The following GPR55 variants were observed in gnomAD, a reference collection of about 807,000 sequenced individuals.
GPR55 encodes the protein G-protein coupled receptor 55.
A neutral mutation model predicts 7.9 loss-of-function variants in GPR55; 6 were observed. That is an observed-to-expected ratio of 0.76 (90% confidence interval 0.41 to 1.49). GPR55 has a LOEUF of 1.49. Ranked by LOEUF, GPR55 falls within the 40% of genes most tolerant of loss-of-function variation. The pLI, the probability that GPR55 is intolerant of heterozygous loss-of-function variation, is 0.01. For synonymous variants in GPR55, 183 were observed against 166.8 expected, an observed-to-expected ratio of 1.10 and a Z score of -0.75; for missense variants, 376 against 406.0, an observed-to-expected ratio of 0.93 and a Z score of 0.63.
intron 1 of GPR55, among the ~76,000 whole-genome samples, chr2:230,937,004 C>T (rs1691142728): frequency 6.6e-6 from 1 of 152,156 alleles, no homozygotes; most frequent in Non-Finnish European, 1.5e-5. Flanking sequence ...CTCTTACCTC[C>T]CTAGTCTCCT....
rs1691277500 is a variant in GPR55 at position 230,944,186 on chromosome 2, C to T, written c.-135+16589G>A. Among the ~76,000 whole-genome samples the T allele has an allele frequency of 6.6e-6, 1 of 152,318 alleles. No individual in the cohort carries two copies. The highest frequency in any genetic ancestry group is 1.5e-5 in the Non-Finnish European group (1 of 68,028). On this transcript the variant is annotated intron_variant, in intron 1 of 1. Transcript: ENST00000392039. The surrounding 1 kb of genome is among the most constrained non-coding windows in gnomAD (Gnocchi z 4.2). ...CAGAGAGGACCTCAAGGAGACTTCCCAGGAAATTACCCACCACTGGACATT... is the reference window on the plus strand; with the variant it reads ...CAGAGAGGACCTCAAGGAGACTTCCTAGGAAATTACCCACCACTGGACATT...
At chr2:230,956,345 T>C (rs1169628765) in intron 1 of GPR55, among the ~76,000 whole-genome samples, 4 of 151,982 alleles carry the variant, frequency 2.6e-5, no homozygotes. Flanking sequence ...TTTGTATTTT[T>C]AGTAGAGTTG....
rs1690542716 is a variant in GPR55 at position 230,909,816 on chromosome 2, C to G, written c.*187G>C. On this transcript the variant is annotated 3_prime_UTR_variant, in exon 2 of 2. Transcript: ENST00000650999. ...ATCCCTGAACACTGGGTGGTATAAG[C>G]TGTCTGGGCAGTGGAAAAAAGGTCT... 1.6e-6 allele frequency: 1 copy of G among 611,918 alleles called. No individual in the cohort carries two copies. The highest frequency in any genetic ancestry group is 1.8e-5 in the African/African-American group (1 of 54,342). 37.9% of individuals were successfully genotyped at this position (611,918 alleles called of 1,614,324 possible).
At chr2:230,937,647 G>A (rs924798382) in intron 1 of GPR55, among the ~76,000 whole-genome samples, 6 of 151,788 alleles carry the variant, frequency 4.0e-5, no homozygotes, top group Admixed American at 2.0e-4. Context: ...ACCAAAAAAA[G>A]TTATTAGATG....
Position 230,910,566 on chromosome 2 carries a change from G to C in GPR55, c.397C>G (p.Arg133Gly), listed in dbSNP as rs772132028. 4.3e-6 allele frequency: 7 copies of C among 1,613,920 alleles called. No homozygotes were observed. The highest frequency in any genetic ancestry group is 4.2e-6 in the Non-Finnish European group (5 of 1,179,832). Residue 133 changes from arginine (R) to glycine (G), a missense_variant, in exon 2 of 2, where the codon CGG becomes GGG. Coordinates refer to ENST00000650999, the MANE Select transcript of GPR55 (RefSeq NM_005683.4). The surrounding 1 kb of genome is among the most constrained non-coding windows in gnomAD (Gnocchi z 5.4). Reference sequence around the variant, plus strand: ...ATCCCAAAGATCTTCCTGGGGGACCGGAGGTGGCTCACCAGTAGCGGGTAA... The same window carrying C: ...ATCCCAAAGATCTTCCTGGGGGACCCGAGGTGGCTCACCAGTAGCGGGTAA... ...IRYPLLVSHLRSPRKIFGICC... is the reference protein window; with the variant it reads ...IRYPLLVSHLGSPRKIFGICC...
At chr2:230,931,226 C>T (rs1423930778) in intron 1 of GPR55, among the ~76,000 whole-genome samples, 2 of 152,232 alleles carry the variant, frequency 1.3e-5, no homozygotes, top group African/African-American at 4.8e-5. Flanking sequence ...TTCAAGGAGA[C>T]GTCATTGCCA....
intron 1 of GPR55, among the ~76,000 whole-genome samples, chr2:230,912,231 G>T (rs752869894): frequency 1.3e-5 from 2 of 152,040 alleles, no homozygotes; most frequent in Non-Finnish European, 2.9e-5. Context: ...TAACCACTTC[G>T]GCAGAAAGCA....
intron 1 of GPR55, among the ~76,000 whole-genome samples, chr2:230,950,350 A>G (rs1430881712): frequency 6.6e-6 from 1 of 152,172 alleles, no homozygotes; most frequent in Non-Finnish European, 1.5e-5. Context: ...GGCACCCAGG[A>G]CAAGACGCAG....
chr2:230,911,765 C>T (rs544915396), intron 1 of GPR55, among the ~76,000 whole-genome samples: 4 of 152,064 alleles, frequency 2.6e-5, no homozygotes, highest in Admixed American at 6.5e-5. Flanking sequence ...AGGAATGGAG[C>T]GGGGCCCTGA....
At chr2:230,938,397 CAAAA>C (rs66962280) in intron 1 of GPR55, among the ~76,000 whole-genome samples, 1 of 116,282 alleles carries the variant, frequency 8.6e-6, no homozygotes, top group Admixed American at 9.0e-5. Flanking sequence ...ACCAGATGAC[CAAAA>C]AAAAAAAAAA....
chr2:230,913,653 G>C (rs558841948), intron 1 of GPR55, among the ~76,000 whole-genome samples: 2 of 152,292 alleles, frequency 1.3e-5, no homozygotes, highest in East Asian at 3.9e-4. Flanking sequence ...AGGATGCTCA[G>C]AATCTGCAAG....
rs1207161995 is a variant in GPR55 at position 230,910,218 on chromosome 2, G to T, written c.745C>A (p.Gln249Lys). ...ATAAAGCTGTTTCTCACCAGGAACT[G>T]CAGGAAGAACCCCAGGTGGACTGGG... is the stretch of plus-strand genomic sequence containing the variant. Reference protein sequence around the residue: ...FLPVHLGFFLQFLVRNSFIVE... With the variant: ...FLPVHLGFFLKFLVRNSFIVE... The change falls in exon 2 of 2, where the codon CAG becomes AAG. Residue 249 changes from glutamine to lysine, a missense_variant. Gln to Lys is a moderately conservative substitution (Grantham distance 53). Transcript: ENST00000650999. This position sits in a 1 kb window ranked among gnomAD's most constrained non-coding sequence, Gnocchi z 5.4. 3.1e-6 allele frequency: 5 copies of T among 1,613,944 alleles called. No individual in the cohort carries two copies. The highest frequency in any genetic ancestry group is 4.2e-6 in the Non-Finnish European group (5 of 1,179,904).
At chr2:230,945,278 A>C (rs1273772092) in intron 1 of GPR55, among the ~76,000 whole-genome samples, 1 of 152,104 alleles carries the variant, frequency 6.6e-6, no homozygotes, top group Non-Finnish European at 1.5e-5. Flanking sequence ...GAGAGGACTG[A>C]GTTCCGGGAG....
intron 1 of GPR55, among the ~76,000 whole-genome samples, chr2:230,918,920 G>A (rs1035483259): frequency 6.6e-6 from 1 of 152,090 alleles, no homozygotes; most frequent in African/African-American, 2.4e-5. Context: ...TAAAATAGTA[G>A]GGACATTCTT....
chr2:230,927,783 C>T (rs10185628), upstream of GPR55, among the ~76,000 whole-genome samples: 3,564 of 152,336 alleles, frequency 0.023, 149 homozygotes, highest in African/African-American at 0.08. Context: ...GATAGCTGGG[C>T]GCTCACCACA....
Position 230,909,894 on chromosome 2 carries a change from T to A in GPR55, c.*109A>T. ...TCAATGGGCATCAAAGGGAAGCACA[T>A]CAGTGAAGATGGTGCGGATCATCCC... On this transcript the variant is annotated 3_prime_UTR_variant, in exon 2 of 2. Transcript: ENST00000650999. 9.2e-7 allele frequency: 1 copy of A among 1,091,246 alleles called. No individual in the cohort carries two copies. The highest frequency in any genetic ancestry group is 1.3e-6 in the Non-Finnish European group (1 of 745,358). The allele number at this position is 1,091,246 out of a possible 1,614,324, so 67.6% of individuals were successfully genotyped here.
At chr2:230,952,893 G>A (rs1691426018) in intron 1 of GPR55, among the ~76,000 whole-genome samples, 1 of 152,222 alleles carries the variant, frequency 6.6e-6, no homozygotes. Context: ...GCTGGCCGAT[G>A]TCTGCGTCCT....
chr2:230,935,823 GCTGAGCATC>G (rs1394143081), intron 1 of GPR55, among the ~76,000 whole-genome samples: 2 of 152,184 alleles, frequency 1.3e-5, no homozygotes, highest in Non-Finnish European at 2.9e-5. Flanking sequence ...CATTATACTG[GCTGAGCATC>G]CTAAAACCAA....
chr2:230,928,254 A>G (rs1271927257), upstream of GPR55, among the ~76,000 whole-genome samples: 1 of 152,124 alleles, frequency 6.6e-6, no homozygotes, highest in Non-Finnish European at 1.5e-5. Flanking sequence ...TTGGGTTGGG[A>G]TGAGGGCACC....
Sources: gnomAD v4.1 joint callset for allele counts (sites outside exome capture counted in the v4.1 genomes callset) on GRCh38, gnomAD v4.1.1 for gene constraint, Gnocchi (gnomAD v3.1) non-coding constraint, MANE v1.5 for transcripts, NCBI Gene and HGNC (gene_info 2026-07-23, HGNC 2026-07-21) for gene names.